Variants in MMP28 observed in about 807,000 individuals in gnomAD.
MMP28 encodes the protein matrix metalloproteinase-28.
In MMP28, 55 loss-of-function variants were observed where a neutral mutation model predicts 60.5. The observed-to-expected ratio is 0.91, with a 90% CI of 0.73 to 1.14. MMP28 has a LOEUF of 1.14. MMP28 is among the 50% of genes most tolerant of loss of function. The probability of loss-of-function intolerance (pLI) is 0.00; values close to 1 mark genes in which losing one functional copy is unlikely to be tolerated. For missense variants in MMP28, 686 were observed against 738.3 expected (o/e 0.93, Z 0.82); for synonymous variants, 318 against 312.5 (o/e 1.02, Z -0.18).
At chr17:35,789,582 A>G (rs568654171) in intron 1 of MMP28, among the ~76,000 whole-genome samples, 2 of 151,310 alleles carry the variant, frequency 1.3e-5, no homozygotes, top group East Asian at 3.9e-4. Context: ...AAATATTGAT[A>G]TGAAATGTTG....
chr17:35,759,301 G>A (rs145450652), intron 2 of MMP28, among the ~76,000 whole-genome samples: 1 of 152,158 alleles, frequency 6.6e-6, no homozygotes, highest in Admixed American at 6.5e-5. Flanking sequence ...GAAAGCAGAG[G>A]CCCTGACTTT....
rs765937653 is a variant in MMP28, at chr17:35,766,703, G to A, written c.1360C>T (p.Arg454Ter). The A allele has an allele frequency of 5.0e-6, 8 of 1,604,342 alleles. No homozygotes were observed. The highest frequency in any genetic ancestry group is 4.0e-5 in the African/African-American group (3 of 74,804). ...GGLQVEPYYP[R>*]SLQDWGGIPE... ...ATGCCTCCCCAGTCCTGCAGACTTC[G>A]GGGGTAGTAGGGCTCCACTTGCAGT... is the stretch of plus-strand genomic sequence containing the variant. Residue 454 changes from arginine (R) to a stop codon, truncating the protein, a stop_gained, in exon 8 of 8, where the codon CGA becomes TGA. Coordinates refer to ENST00000605424, the MANE Select transcript of MMP28 (RefSeq NM_024302.5). LOFTEE classifies it high-confidence loss of function. This position sits in a 1 kb window ranked among gnomAD's most constrained non-coding sequence, Gnocchi z 4.3.
Position 35,766,958 on chromosome 17 carries a change from T to G in MMP28, c.1169-64A>C, listed in dbSNP as rs1555603721. Reference sequence around the variant, plus strand: ...GTCACCCATTGGCCCTCTACCCCACTTCTGTCCCCCATACCTCTGCTCTCC... The same window carrying G: ...GTCACCCATTGGCCCTCTACCCCACGTCTGTCCCCCATACCTCTGCTCTCC... On this transcript the variant is annotated intron_variant, in intron 7 of 7. Transcript: ENST00000605424. This position sits in a 1 kb window ranked among gnomAD's most constrained non-coding sequence, Gnocchi z 4.3. 1 of 1,449,884 alleles carries G rather than the reference T, an allele frequency of 6.9e-7. No individual in the cohort carries two copies. Among genetic ancestry groups the G allele is most frequent in the African/African-American group, 1.4e-5 (1 of 71,206 alleles). 89.8% of individuals were successfully genotyped at this position (1,449,884 alleles called of 1,614,324 possible). A position where few individuals can be genotyped will look rare whatever the true frequency, so the allele number is the denominator to read the frequency against.
intron 1 of MMP28, among the ~76,000 whole-genome samples, chr17:35,782,746 C>T (rs78118566): frequency 0.034 from 5,252 of 152,234 alleles, 324 homozygotes; most frequent in African/African-American, 0.12. Flanking sequence ...TGTGGCATCA[C>T]GGTATAGCCA....
rs754490475 is a variant in MMP28, at chr17:35,768,222, C to T, written c.1000+8G>A. 1.3e-6 allele frequency: 2 copies of T among 1,594,680 alleles called. No individual in the cohort carries two copies. The highest frequency in any genetic ancestry group is 2.2e-5 in the South Asian group (2 of 89,204). ...GAAAGAAGCAAAGCACCAGTGGGACCTTCTTACCTACAGTGATGGCATCGA... is the reference window on the plus strand; with the variant it reads ...GAAAGAAGCAAAGCACCAGTGGGACTTTCTTACCTACAGTGATGGCATCGA... On this transcript the variant is annotated splice_region_variant and intron_variant, in intron 6 of 7. Transcript: ENST00000605424.
At position 35,766,125 on chromosome 17, in the gene MMP28, C is replaced by T; in HGVS notation, c.*375G>A. On this transcript the variant is annotated 3_prime_UTR_variant, in exon 8 of 8. Coordinates refer to ENST00000605424, the MANE Select transcript of MMP28 (RefSeq NM_024302.5). The surrounding 1 kb of genome is among the most constrained non-coding windows in gnomAD (Gnocchi z 4.3). ...AGGGCACAGTCTTGCAAAATGGTCT[C>T]GAATTTCTCTGCTGAGTTTTTCATC... The T allele has an allele frequency of 4.9e-6, 5 of 1,021,836 alleles. No homozygotes were observed. The highest frequency in any genetic ancestry group is 5.9e-6 in the Non-Finnish European group (5 of 853,658). 63.3% of individuals were successfully genotyped at this position (1,021,836 alleles called of 1,614,324 possible). A position where few individuals can be genotyped will look rare whatever the true frequency, so the allele number is the denominator to read the frequency against.
Position 35,773,355 on chromosome 17 carries a change from A to G in MMP28, c.429T>C (p.Pro143=), listed in dbSNP as rs2086226502. The G allele has an allele frequency of 1.2e-6, 2 of 1,611,670 alleles. No individual in the cohort carries two copies. The highest frequency in any genetic ancestry group is 1.7e-6 in the Non-Finnish European group (2 of 1,179,010). Residue 143 remains proline (P), a synonymous_variant, in exon 4 of 8, where the codon CCT becomes CCC. Transcript: ENST00000605424. ...QHLSYRLVNW[P]EHLPEPAVRG... is the part of the protein sequence containing the mutation. ...GAACTGCCGGCTCCGGCAGATGCTC[A>G]GGCCAGTTCACCAGGCGGTAGGAGA...
downstream of MMP28, chr17:35,764,544 C>G (rs782583639): frequency 8.8e-6 from 14 of 1,597,192 alleles, no homozygotes; most frequent in Non-Finnish European, 1.2e-5. Flanking sequence ...TCTGCACAGC[C>G]ACCCAGCCTA....
rs753156031 is a variant in MMP28, at chr17:35,770,248, G to A, written c.669C>T (p.Arg223=). The change falls in exon 5 of 8, where the codon CGC becomes CGT. Residue 223 remains arginine, a synonymous_variant. Transcript: ENST00000605424. ...GCCCGCGGCGGCGGCTCAGGGACCAGCGCTCATCTTGGTCGAAGTGCGCTT... is the reference window on the plus strand; with the variant it reads ...GCCCGCGGCGGCGGCTCAGGGACCAACGCTCATCTTGGTCGAAGTGCGCTT... ...RGEAHFDQDE[R]WSLSRRRGRN... 1.2e-5 allele frequency: 19 copies of A among 1,587,442 alleles called. No individual in the cohort carries two copies. Among genetic ancestry groups the A allele is most frequent in the Non-Finnish European group, 1.6e-5 (19 of 1,173,458 alleles).
At position 35,768,295 on chromosome 17, in the gene MMP28, TG is replaced by T; in HGVS notation, c.934del (p.Gln312LysfsTer22). On this transcript the variant is annotated frameshift_variant, in exon 6 of 8. Coordinates refer to ENST00000605424, the MANE Select transcript of MMP28 (RefSeq NM_024302.5). LOFTEE classifies it high-confidence loss of function. ...DFETWDSYSP[Q>X]GRRPETQGPK... ...GCCCTGCGTTTCAGGGCGCCTTCCT[TG>T]GGGGCTGTAGGAGTCCCAGGTCTCA... 1 of 1,613,408 alleles carries T rather than the reference TG, an allele frequency of 6.2e-7. No homozygotes were observed. Among genetic ancestry groups the T allele is most frequent in the South Asian group, 1.1e-5 (1 of 91,052 alleles).
At chr17:35,764,380 G>A (rs782498391), downstream of MMP28, 5 of 1,466,102 alleles carry the variant, frequency 3.4e-6, no homozygotes, top group Non-Finnish European at 4.5e-6. Flanking sequence ...GGGCCCCAGG[G>A]AGGAGGGGCT....
At chr17:35,769,055 A>G (rs1469006043) in intron 5 of MMP28, among the ~76,000 whole-genome samples, 1 of 152,192 alleles carries the variant, frequency 6.6e-6, no homozygotes, top group African/African-American at 2.4e-5. Flanking sequence ...TAATAATTAC[A>G]TCACTATCCT....
chr17:35,766,406 G>C lies in MMP28; in HGVS notation c.*94C>G. 1 of 1,435,392 alleles carries C rather than the reference G, an allele frequency of 7.0e-7. No individual in the cohort carries two copies. 88.9% of individuals were successfully genotyped at this position (1,435,392 alleles called of 1,614,324 possible). On this transcript the variant is annotated 3_prime_UTR_variant, in exon 8 of 8. Transcript: ENST00000605424. This position sits in a 1 kb window ranked among gnomAD's most constrained non-coding sequence, Gnocchi z 4.3. ...TTTGCTGCCCGGTCTTCTGCAGAGG[G>C]ACTCAGAGGCTTCTAAGAGGGGTTC...
chr17:35,768,122 G>A, intron 6 of MMP28, 108 bp downstream of exon 6: 1 of 1,425,834 alleles, frequency 7.0e-7, no homozygotes, highest in East Asian at 2.3e-5. Context: ...TTGTGGCTTG[G>A]GATTTCTGGC....
intron 2 of MMP28, among the ~76,000 whole-genome samples, chr17:35,757,009 G>A (rs1271766976): frequency 1.3e-5 from 2 of 151,640 alleles, no homozygotes; most frequent in Non-Finnish European, 2.9e-5. Context: ...AACAGCCTGG[G>A]CAACATGGTG....
Position 35,766,705 on chromosome 17 carries a change from G to A in MMP28, c.1358C>T (p.Pro453Leu), listed in dbSNP as rs754612478. The A allele has an allele frequency of 2.5e-6, 4 of 1,605,000 alleles. No homozygotes were observed. In the East Asian group the frequency reaches 9.0e-5, roughly 36 times the overall value. The change falls in exon 8 of 8, where the codon CCC (proline) becomes CTC (leucine). Residue 453 changes from proline (P) to leucine (L), a missense_variant. By Grantham distance (98) the Pro-to-Leu change is moderately conservative. Transcript: ENST00000605424. The surrounding 1 kb of genome is among the most constrained non-coding windows in gnomAD (Gnocchi z 4.3). ...GCCTCCCCAGTCCTGCAGACTTCGG[G>A]GGTAGTAGGGCTCCACTTGCAGTCC... is the stretch of plus-strand genomic sequence containing the variant. ...RGGLQVEPYY[P>L]RSLQDWGGIP...
chr17:35,764,377 A>G, downstream of MMP28: 1 of 1,458,518 alleles, frequency 6.9e-7, no homozygotes, highest in Non-Finnish European at 9.0e-7. Context: ...CCCGGGCCCC[A>G]GGGAGGAGGG....
chr17:35,766,444 G>T lies in MMP28; in HGVS notation c.*56C>A. ...CTAAGAGGGGTTCTGCCCCGGGGGT[G>T]GGGAACATGATTTTGCCCTGAGAGC... On this transcript the variant is annotated 3_prime_UTR_variant, in exon 8 of 8. Transcript: ENST00000605424. The surrounding 1 kb of genome is among the most constrained non-coding windows in gnomAD (Gnocchi z 4.3). 1 of 1,493,818 alleles carries T rather than the reference G, an allele frequency of 6.7e-7. No homozygotes were observed. Among genetic ancestry groups the T allele is most frequent in the Non-Finnish European group, 8.9e-7 (1 of 1,121,188 alleles). 92.5% of individuals were successfully genotyped at this position (1,493,818 alleles called of 1,614,324 possible).
Position 35,795,385 on chromosome 17 carries a change from C to T in MMP28, c.-8G>A, listed in dbSNP as rs1329726593. 7.0e-7 allele frequency: 1 copy of T among 1,428,394 alleles called. No homozygotes were observed. The highest frequency in any genetic ancestry group is 9.1e-7 in the Non-Finnish European group (1 of 1,094,468). 88.5% of individuals were successfully genotyped at this position (1,428,394 alleles called of 1,614,324 possible). On this transcript the variant is annotated 5_prime_UTR_variant, in exon 1 of 8. Transcript: ENST00000605424. ...GCCGACGCGCGCGACCATCTCGCCG[C>T]CTCCGGTGCAGCCCGGCTCGGGGAG...
Sources: allele counts gnomAD v4.1 joint callset (sites outside exome capture counted in the v4.1 genomes callset), GRCh38; gene constraint gnomAD v4.1.1; non-coding constraint Gnocchi (gnomAD v3.1); transcripts MANE v1.5; gene names NCBI Gene and HGNC (gene_info 2026-07-23, HGNC 2026-07-21).